CSMD1: variants seen among roughly 807,000 people sequenced by gnomAD.
CSMD1 encodes the protein CUB and Sushi multiple domains 1.
In CSMD1, 213 loss-of-function variants were observed where a neutral mutation model predicts 417.5. That is an observed-to-expected ratio of 0.51 (90% CI 0.46 to 0.57). The LOEUF is 0.57. CSMD1 is among the 20% of genes least tolerant of loss of function. The pLI is 0.00. For synonymous variants in CSMD1, 2,862 were observed against 1,736.8 expected (o/e 1.65, Z -16.11); for missense variants, 6,923 against 4,529.7 (o/e 1.53, Z -15.17).
intron 8 of CSMD1, among the ~76,000 whole-genome samples, chr8:3,601,138 C>T (rs1213256568): frequency 1.3e-5 from 2 of 152,292 alleles, no homozygotes; most frequent in Non-Finnish European, 2.9e-5. Context: ...GTAGGTTTGC[C>T]TCTGGCTTCT....
At chr8:3,114,357 C>G (rs1302332486) in intron 42 of CSMD1, among the ~76,000 whole-genome samples, 1 of 151,166 alleles carries the variant, frequency 6.6e-6, no homozygotes, top group African/African-American at 2.4e-5. Flanking sequence ...AGTTTTTTGC[C>G]TAAACAAGAA....
rs1021515980 is a variant in CSMD1 at position 4,437,145 on chromosome 8, G to A, written c.303-17080C>T. On this transcript the variant is annotated intron_variant, in intron 2 of 69. Coordinates refer to ENST00000635120, the MANE Select transcript of CSMD1 (RefSeq NM_033225.6). ...AAAGAATTCTTTTAGGGGAATTTTA[G>A]AAATGGCAAATCCAATCCAACAAAA... 2.0e-5 allele frequency among the ~76,000 whole-genome samples: 3 copies of A among 152,270 alleles called. No individual in the cohort carries two copies. The East Asian group carries it at 5.8e-4, about 29-fold the overall frequency.
At chr8:3,851,936 A>C (rs1474174897) in intron 5 of CSMD1, among the ~76,000 whole-genome samples, 4 of 152,128 alleles carry the variant, frequency 2.6e-5, no homozygotes, top group East Asian at 3.9e-4. Flanking sequence ...AGCATTGAAG[A>C]ATATGTGAGC....
At chr8:4,726,992 G>C (rs554803890) in intron 1 of CSMD1, among the ~76,000 whole-genome samples, 3 of 152,096 alleles carry the variant, frequency 2.0e-5, no homozygotes, top group Admixed American at 6.5e-5. Context: ...TGGAAAATGA[G>C]ACCCCTATAT....
intron 37 of CSMD1, among the ~76,000 whole-genome samples, chr8:3,176,082 A>G (rs528140826): frequency 6.6e-6 from 1 of 152,330 alleles, no homozygotes; most frequent in East Asian, 1.9e-4. Context: ...GAAGTAAGCT[A>G]AATTAGAAAT....
intron 3 of CSMD1, among the ~76,000 whole-genome samples, chr8:4,326,969 G>C (rs1408457349): frequency 6.6e-6 from 1 of 152,142 alleles, no homozygotes; most frequent in East Asian, 1.9e-4. Flanking sequence ...TGAAAAAATA[G>C]GTTAATGAAG....
At chr8:4,237,089 T>A (rs1357517069) in intron 3 of CSMD1, among the ~76,000 whole-genome samples, 1 of 152,228 alleles carries the variant, frequency 6.6e-6, no homozygotes, top group Non-Finnish European at 1.5e-5. Flanking sequence ...AATTTTATTC[T>A]TCACTCACTA....
At chr8:4,037,003 G>A (rs897886336) in intron 3 of CSMD1, among the ~76,000 whole-genome samples, 2 of 149,670 alleles carry the variant, frequency 1.3e-5, no homozygotes, top group South Asian at 4.2e-4. Context: ...GTGTGATCCT[G>A]CCATGGTAGT....
At chr8:4,132,952 G>A (rs191802493) in intron 3 of CSMD1, among the ~76,000 whole-genome samples, 28 of 151,840 alleles carry the variant, frequency 1.8e-4, no homozygotes, top group Non-Finnish European at 3.5e-4. Context: ...ATTTATTTTT[G>A]AGATGGAGTC....
chr8:4,695,691 C>T (rs1198164885), intron 1 of CSMD1, among the ~76,000 whole-genome samples: 1 of 152,076 alleles, frequency 6.6e-6, no homozygotes, highest in African/African-American at 2.4e-5. Context: ...ATCATTATCA[C>T]TCAAAGGTCA....
intron 2 of CSMD1, among the ~76,000 whole-genome samples, chr8:4,549,566 T>A (rs1797774732): frequency 6.6e-6 from 1 of 152,042 alleles, no homozygotes; most frequent in African/African-American, 2.4e-5. Context: ...GCCTCCCGCA[T>A]TACGTGATGC....
chr8:4,051,308 C>CAAAAAAAAAAAAAAAAAAAAAA (rs5889012), intron 3 of CSMD1, among the ~76,000 whole-genome samples: 1 of 140,514 alleles, frequency 7.1e-6, no homozygotes, highest in African/African-American at 2.7e-5. Flanking sequence ...TTTGAAGACT[C>CAAAAAAAAAAAAAAAAAAAAAA]AAAAAAAAAA....
At chr8:3,055,960 C>T (rs748976597) in intron 49 of CSMD1, among the ~76,000 whole-genome samples, 17 of 152,166 alleles carry the variant, frequency 1.1e-4, no homozygotes, top group Non-Finnish European at 2.4e-4. Context: ...TTACAAAATG[C>T]GAGCCCTCTG....
intron 3 of CSMD1, among the ~76,000 whole-genome samples, chr8:4,056,809 G>C (rs953862219): frequency 6.6e-6 from 1 of 152,028 alleles, no homozygotes; most frequent in African/African-American, 2.4e-5. Context: ...CCTTGTGATA[G>C]TTTACTGAGA....
At chr8:4,904,316 A>T (rs578078617) in intron 1 of CSMD1, among the ~76,000 whole-genome samples, 2 of 152,348 alleles carry the variant, frequency 1.3e-5, no homozygotes, top group African/African-American at 4.8e-5. Flanking sequence ...TTAAAAAATC[A>T]ATAATTTATT....
intron 3 of CSMD1, among the ~76,000 whole-genome samples, chr8:4,305,678 C>T (rs1291882990): frequency 6.6e-6 from 1 of 152,198 alleles, no homozygotes; most frequent in Non-Finnish European, 1.5e-5. Flanking sequence ...AGAGTAAGTG[C>T]TTGCTCAAAA....
chr8:4,395,796 A>G (rs1223391214), intron 3 of CSMD1, among the ~76,000 whole-genome samples: 2 of 152,208 alleles, frequency 1.3e-5, no homozygotes. Flanking sequence ...ATACAATTCA[A>G]TTATGCATGT....
chr8:3,414,873 C>T (rs925833273), intron 12 of CSMD1, among the ~76,000 whole-genome samples: 4 of 152,082 alleles, frequency 2.6e-5, no homozygotes, highest in African/African-American at 7.2e-5. Context: ...ATTCAGTCTG[C>T]GCTTGCTCGG....
At chr8:3,558,578 T>C (rs1180330269) in intron 10 of CSMD1, among the ~76,000 whole-genome samples, 2 of 145,588 alleles carry the variant, frequency 1.4e-5, no homozygotes, top group Non-Finnish European at 3.0e-5. Context: ...CCTGCAATGA[T>C]GAATGGTGTC....
Sources: gnomAD v4.1 joint callset for allele counts (sites outside exome capture counted in the v4.1 genomes callset) on GRCh38, gnomAD v4.1.1 for gene constraint, MANE v1.5 for transcripts, NCBI Gene and HGNC (gene_info 2026-07-23, HGNC 2026-07-21) for gene names.